NOL10: variants seen among roughly 807,000 people sequenced by gnomAD.
NOL10 encodes the protein H_NH0074G24.1.
Under a neutral mutation model 103.5 loss-of-function variants are expected in NOL10, and 58 were observed. The ratio of observed to expected loss-of-function variants is 0.56; its 90% CI spans 0.45 to 0.70. The LOEUF is 0.70. Ranked by LOEUF, NOL10 falls within the 30% of genes least tolerant of loss-of-function variation. NOL10 has a pLI of 0.00. For missense variants in NOL10, 763 were observed against 807.3 expected, an observed-to-expected ratio of 0.95 and a Z score of 0.67; for synonymous variants, 287 against 282.5, an observed-to-expected ratio of 1.02 and a Z score of -0.16.
intron 19 of NOL10, among the ~76,000 whole-genome samples, chr2:10,587,066 T>C (rs190130660): frequency 0.035 from 1,425 of 40,246 alleles, 325 homozygotes; most frequent in Middle Eastern, 0.073. Flanking sequence ...CATATATATA[T>C]ACATATATAT....
intron 13 of NOL10, among the ~76,000 whole-genome samples, chr2:10,616,317 C>A (rs1676834181): frequency 6.8e-6 from 1 of 147,626 alleles, no homozygotes; most frequent in Non-Finnish European, 1.5e-5. Flanking sequence ...CAACCTCTGC[C>A]TCCTGGATTC....
rs575658225 is a variant in NOL10, at chr2:10,638,792, C to CTT, written c.1026+5526_1026+5527dup. ...AGGCGTTTGAGCCACCGTGCCTGGCCTTTTTTTTTTTTTTTTTTTTTTTTT... is the reference window on the plus strand; with the variant it reads ...AGGCGTTTGAGCCACCGTGCCTGGCCTTTTTTTTTTTTTTTTTTTTTTTTTTT... On this transcript the variant is annotated intron_variant, in intron 13 of 20. Transcript: ENST00000381685. 3.2e-3 allele frequency among the ~76,000 whole-genome samples: 171 copies of CTT among 52,856 alleles called. 31 individuals are homozygous for CTT. Among genetic ancestry groups the CTT allele is most frequent in the African/African-American group, 0.011 (115 of 10,720 alleles). 34.7% of individuals were successfully genotyped at this position (52,856 alleles called of 152,430 possible).
In NOL10 at chr2:10,644,385, A is replaced by C. The variant is rs1323194399; in HGVS notation, c.974-13T>G. 7 of 1,528,680 alleles carry C rather than the reference A, an allele frequency of 4.6e-6. No homozygotes were observed. In the Admixed American group the frequency reaches 1.6e-4, roughly 34 times the overall value. The allele number at this position is 1,528,680 out of a possible 1,614,324, so 94.7% of individuals were successfully genotyped here. A position where few individuals can be genotyped will look rare whatever the true frequency, so the allele number is the denominator to read the frequency against. The stretch of plus-strand genomic sequence containing the variant: ...GTCAGAAGCATGCCTAAAAATAAAT[A>C]CAATGAAAAAGGTCAATGCATAGGA... On this transcript the variant is annotated splice_polypyrimidine_tract_variant and intron_variant, in intron 12 of 20. Transcript: ENST00000381685.
intron 3 of NOL10, among the ~76,000 whole-genome samples, chr2:10,680,992 ACT>A (rs1681718071): frequency 6.6e-6 from 1 of 152,082 alleles, no homozygotes; most frequent in Non-Finnish European, 1.5e-5. Context: ...CTTTCCTAAA[ACT>A]CTCATTCATT....
chr2:10,615,322 A>G (rs1676775248), intron 13 of NOL10, among the ~76,000 whole-genome samples: 1 of 152,256 alleles, frequency 6.6e-6, no homozygotes, highest in African/African-American at 2.4e-5. Context: ...CTGAAATGAA[A>G]TAACAAGAAA....
chr2:10,634,408 C>G (rs1678052264), intron 13 of NOL10: 2 of 442,090 alleles, frequency 4.5e-6, no homozygotes, highest in Admixed American at 4.8e-5. Flanking sequence ...AAGGCTTCAG[C>G]TGAAATGGAG....
At chr2:10,628,955 G>C (rs950521602) in intron 13 of NOL10, among the ~76,000 whole-genome samples, 1 of 152,076 alleles carries the variant, frequency 6.6e-6, no homozygotes, top group African/African-American at 2.4e-5. Flanking sequence ...AGGGAATTAG[G>C]AACACGTTTT....
At chr2:10,654,269 T>C (rs1294040693) in intron 12 of NOL10, among the ~76,000 whole-genome samples, 1 of 152,218 alleles carries the variant, frequency 6.6e-6, no homozygotes, top group Non-Finnish European at 1.5e-5. Flanking sequence ...AAGAGTGCCA[T>C]TTTCTGAATC....
intron 1 of NOL10, among the ~76,000 whole-genome samples, chr2:10,687,675 T>A (rs1050490583): frequency 6.6e-6 from 1 of 152,174 alleles, no homozygotes; most frequent in Non-Finnish European, 1.5e-5. Context: ...ATAAAAACCT[T>A]GGGCCGGGTG....
chr2:10,654,125 C>T (rs527359102), intron 12 of NOL10, among the ~76,000 whole-genome samples: 6 of 152,308 alleles, frequency 3.9e-5, no homozygotes, highest in African/African-American at 1.4e-4. Context: ...AATCTCTACC[C>T]TCAATTTCCA....
intron 1 of NOL10, among the ~76,000 whole-genome samples, chr2:10,688,799 G>C (rs887996106): frequency 1.3e-5 from 2 of 152,152 alleles, no homozygotes; most frequent in African/African-American, 4.8e-5. Flanking sequence ...GAGAATGAAT[G>C]AACAAAATGA....
intron 19 of NOL10, among the ~76,000 whole-genome samples, chr2:10,583,299 A>T (rs1374004046): frequency 1.3e-5 from 2 of 152,184 alleles, no homozygotes; most frequent in Non-Finnish European, 2.9e-5. Flanking sequence ...TATGGTATGG[A>T]TTTTATCACA....
Position 10,590,445 on chromosome 2 carries a change from T to C in NOL10, c.1423-694A>G, listed in dbSNP as rs148196409. Among the ~76,000 whole-genome samples, 19 of 152,290 alleles carry C rather than the reference T, an allele frequency of 1.2e-4. No individual in the cohort carries two copies. The East Asian group carries it at 3.3e-3, about 26-fold the overall frequency. ...GCTTAGTTACTACACTGACTTAAAATAAGCAATTCTTTCAACTTCAGATTC... is the reference window on the plus strand; with the variant it reads ...GCTTAGTTACTACACTGACTTAAAACAAGCAATTCTTTCAACTTCAGATTC... On this transcript the variant is annotated intron_variant, in intron 17 of 20. Coordinates refer to ENST00000381685, the MANE Select transcript of NOL10 (RefSeq NM_024894.4).
At chr2:10,578,329 C>T (rs1388307254) in intron 19 of NOL10, among the ~76,000 whole-genome samples, 2 of 152,184 alleles carry the variant, frequency 1.3e-5, no homozygotes, top group East Asian at 1.9e-4. Context: ...TGTCTGATGA[C>T]GCTGAGAGAA....
chr2:10,688,846 G>A (rs1367161937), intron 1 of NOL10, among the ~76,000 whole-genome samples: 2 of 152,232 alleles, frequency 1.3e-5, no homozygotes, highest in East Asian at 3.8e-4. Flanking sequence ...CTGGAAGACA[G>A]GGAATTATTC....
intron 13 of NOL10, among the ~76,000 whole-genome samples, chr2:10,611,718 C>A (rs983683447): frequency 6.6e-6 from 1 of 152,238 alleles, no homozygotes; most frequent in East Asian, 1.9e-4. Context: ...GAGTTCGAGA[C>A]CAGCCTGGCC....
chr2:10,576,864 A>G (rs1016408679), intron 20 of NOL10, among the ~76,000 whole-genome samples: 7 of 152,168 alleles, frequency 4.6e-5, no homozygotes, highest in African/African-American at 9.7e-5. Flanking sequence ...ATGGTCTGTG[A>G]ATTATATCTC....
At chr2:10,616,974 C>T (rs778611350) in intron 13 of NOL10, among the ~76,000 whole-genome samples, 35 of 150,190 alleles carry the variant, frequency 2.3e-4, no homozygotes, top group Admixed American at 8.7e-4. Context: ...AACAAAGAGG[C>T]AGGCACTTTC....
chr2:10,651,358 T>A (rs1486294181), intron 12 of NOL10, among the ~76,000 whole-genome samples: 1 of 152,176 alleles, frequency 6.6e-6, no homozygotes, highest in Non-Finnish European at 1.5e-5. Context: ...ACCAGCACTG[T>A]CCAATGGAAA....
Sources: gnomAD v4.1 joint callset for allele counts (sites outside exome capture counted in the v4.1 genomes callset) on GRCh38, gnomAD v4.1.1 for gene constraint, MANE v1.5 for transcripts, NCBI Gene and HGNC (gene_info 2026-07-23, HGNC 2026-07-21) for gene names.